Variants in KIF21A observed in about 807,000 individuals in gnomAD.
The protein encoded by KIF21A is kinesin-like protein KIF21A.
In KIF21A, 114 loss-of-function variants were observed where a neutral mutation model predicts 202.9. The ratio of observed to expected loss-of-function variants is 0.56; its 90% CI spans 0.48 to 0.66. The LOEUF (loss-of-function observed/expected upper bound fraction) is 0.66. KIF21A is among the 30% of genes least tolerant of loss of function. The pLI is 0.00. For synonymous variants in KIF21A, 667 were observed against 670.8 expected (o/e 0.99, Z 0.09); for missense variants, 1,677 against 1,994.9 (o/e 0.84, Z 3.04).
At position 39,314,157 on chromosome 12, in the gene KIF21A, T is replaced by C. The variant is rs183878920; in HGVS notation, c.3959+1072A>G. On this transcript the variant is annotated intron_variant, in intron 31 of 37. Coordinates refer to ENST00000361418, the MANE Select transcript of KIF21A (RefSeq NM_001173464.2). The stretch of plus-strand genomic sequence containing the variant: ...GAAAAAAACATTTATTTTTAGAGTC[T>C]GGTTATAATGATCACAAAAGTGATA... Among the ~76,000 whole-genome samples the C allele has an allele frequency of 2.5e-3, 382 of 151,904 alleles. 1 individual carries two copies. Among genetic ancestry groups the C allele is most frequent in the South Asian group, 0.011 (55 of 4,820 alleles).
rs1318227974 is a variant in KIF21A, at chr12:39,442,229, C to T, written c.44+698G>A. On this transcript the variant is annotated intron_variant, in intron 1 of 37. Coordinates refer to ENST00000361418, the MANE Select transcript of KIF21A (RefSeq NM_001173464.2). The surrounding 1 kb of genome is among the most constrained non-coding windows in gnomAD (Gnocchi z 5.0). ...GTTTCACACAGTCACCCATTTCACC[C>T]TTCCTCTGGCTAAAGAGTTTTCCTC... Among the ~76,000 whole-genome samples, 2 of 152,186 alleles carry T rather than the reference C, an allele frequency of 1.3e-5. No individual in the cohort carries two copies. Among genetic ancestry groups the T allele is most frequent in the Non-Finnish European group, 2.9e-5 (2 of 68,034 alleles).
At chr12:39,321,326 T>C (rs1234989180) in intron 27 of KIF21A, 2 of 152,200 alleles carry the variant, frequency 1.3e-5, no homozygotes, top group Non-Finnish European at 2.9e-5. Flanking sequence ...ATTTTTAAAA[T>C]GTAAAAAGAC....
At chr12:39,408,575 A>C (rs1228350604) in intron 1 of KIF21A, among the ~76,000 whole-genome samples, 4 of 152,224 alleles carry the variant, frequency 2.6e-5, no homozygotes, top group Non-Finnish European at 4.4e-5. Context: ...AACTAAAAAA[A>C]TAAAGTATCT....
At chr12:39,400,091 A>G (rs891697089) in intron 1 of KIF21A, among the ~76,000 whole-genome samples, 24 of 152,332 alleles carry the variant, frequency 1.6e-4, no homozygotes, top group Admixed American at 1.5e-3. Flanking sequence ...AGAGAATGCT[A>G]CACAAAAAAT....
At chr12:39,338,211 C>T (rs901150782) in intron 16 of KIF21A, among the ~76,000 whole-genome samples, 1 of 151,900 alleles carries the variant, frequency 6.6e-6, no homozygotes, top group Admixed American at 6.6e-5. Context: ...GGCTATTGTG[C>T]ATGTTTGTGT....
intron 1 of KIF21A, among the ~76,000 whole-genome samples, chr12:39,375,386 C>G (rs1045980258): frequency 9.9e-5 from 15 of 152,098 alleles, no homozygotes; most frequent in African/African-American, 3.6e-4. Flanking sequence ...CACATTCTTG[C>G]TGTGTATGCC....
chr12:39,393,646 T>G (rs1055553694), intron 1 of KIF21A, among the ~76,000 whole-genome samples: 5 of 152,228 alleles, frequency 3.3e-5, no homozygotes, highest in Non-Finnish European at 7.3e-5. Flanking sequence ...CAGCCTAAGA[T>G]AGTCAGTATT....
intron 1 of KIF21A, among the ~76,000 whole-genome samples, chr12:39,407,030 C>T (rs1952647043): frequency 6.6e-6 from 1 of 152,202 alleles, no homozygotes; most frequent in African/African-American, 2.4e-5. Context: ...ACTCCCTGCT[C>T]CTGTTAAAGG....
intron 1 of KIF21A, among the ~76,000 whole-genome samples, chr12:39,430,680 G>A (rs1299965005): frequency 6.6e-6 from 1 of 151,974 alleles, no homozygotes; most frequent in Non-Finnish European, 1.5e-5. Flanking sequence ...TTATGTTTTG[G>A]TGTGTGTGTT....
At position 39,332,961 on chromosome 12, in the gene KIF21A, G is replaced by A; in HGVS notation, c.2634C>T (p.Ala878=). The A allele has an allele frequency of 6.2e-7, 1 of 1,614,108 alleles. No individual in the cohort carries two copies. Among genetic ancestry groups the A allele is most frequent in the Non-Finnish European group, 8.5e-7 (1 of 1,180,024 alleles). The change falls in exon 19 of 38, where the codon GCC becomes GCT. Residue 878 remains alanine (A), a synonymous_variant. Coordinates refer to ENST00000361418, the MANE Select transcript of KIF21A (RefSeq NM_001173464.2). ...AVETDASRTG[A]QQKMRIPVAR... Reference sequence around the variant, plus strand: ...CCACAGGAATTCTCATTTTCTGCTGGGCTCCTGTCCTTGATGCATCTGTTT... The same window carrying A: ...CCACAGGAATTCTCATTTTCTGCTGAGCTCCTGTCCTTGATGCATCTGTTT...
chr12:39,301,716 A>T (rs1294774887), intron 36 of KIF21A, 37 bp from the exon 37 acceptor site: 1 of 1,545,528 alleles, frequency 6.5e-7, no homozygotes. Context: ...GCTTAAGGAG[A>T]GCTTCCAAAC....
intron 1 of KIF21A, among the ~76,000 whole-genome samples, chr12:39,425,069 C>A (rs767178939): frequency 2.6e-5 from 4 of 152,140 alleles, no homozygotes; most frequent in Non-Finnish European, 4.4e-5. Context: ...CAGTTTATTT[C>A]TTAGCCCTTT....
intron 1 of KIF21A, among the ~76,000 whole-genome samples, chr12:39,434,527 T>C (rs550636078): frequency 2.6e-5 from 4 of 152,370 alleles, no homozygotes; most frequent in Admixed American, 6.5e-5. Context: ...CTCGTGATCC[T>C]TTCTCAAATC....
chr12:39,332,014 A>G, intron 21 of KIF21A, 200 bp downstream of exon 21: 1 of 663,798 alleles, frequency 1.5e-6, no homozygotes, highest in Non-Finnish European at 2.6e-6. Context: ...CCCATGTGTT[A>G]TATAAACAAC....
At chr12:39,315,287 C>T in intron 30 of KIF21A, 47 bp from the exon 31 acceptor site, 1 of 1,573,592 alleles carries the variant, frequency 6.4e-7, no homozygotes, top group South Asian at 1.1e-5. Flanking sequence ...AAAACAAGTG[C>T]AAAGAGGGAG....
In KIF21A at chr12:39,349,931, G is replaced by C. The variant is rs1335142903; in HGVS notation, c.1673+1846C>G. ...GGTGTCAGTTTTACAAAATTATATA[G>C]GTGTCAGTGTACGAAGGTACACTAC... On this transcript the variant is annotated intron_variant, in intron 11 of 37. Coordinates refer to ENST00000361418, the MANE Select transcript of KIF21A (RefSeq NM_001173464.2). Among the ~76,000 whole-genome samples, 5 of 151,972 alleles carry C rather than the reference G, an allele frequency of 3.3e-5. No homozygotes were observed. The East Asian group carries it at 9.7e-4, about 29-fold the overall frequency.
chr12:39,417,465 A>G (rs772023384), intron 1 of KIF21A, among the ~76,000 whole-genome samples: 4 of 152,200 alleles, frequency 2.6e-5, no homozygotes, highest in Non-Finnish European at 5.9e-5. Context: ...AAATGAAAAT[A>G]TATTAGCCGG....
intron 1 of KIF21A, among the ~76,000 whole-genome samples, chr12:39,429,271 A>T (rs1371969661): frequency 6.6e-6 from 1 of 152,232 alleles, no homozygotes; most frequent in Non-Finnish European, 1.5e-5. Flanking sequence ...ACAAAGATTA[A>T]GAAAACATTT....
At chr12:39,384,704 G>A (rs1950832097) in intron 1 of KIF21A, among the ~76,000 whole-genome samples, 1 of 152,172 alleles carries the variant, frequency 6.6e-6, no homozygotes, top group Admixed American at 6.6e-5. Context: ...CACAGTGTCT[G>A]TAAGTCAGAA....
Sources: gnomAD v4.1 joint callset for allele counts (sites outside exome capture counted in the v4.1 genomes callset) on GRCh38, gnomAD v4.1.1 for gene constraint, Gnocchi (gnomAD v3.1) non-coding constraint, MANE v1.5 for transcripts, NCBI Gene and HGNC (gene_info 2026-07-23, HGNC 2026-07-21) for gene names.